Variants in PDE2A observed in about 807,000 individuals in gnomAD.
PDE2A encodes cGMP-dependent 3',5'-cyclic phosphodiesterase.
A neutral mutation model predicts 133.6 loss-of-function variants in PDE2A; 53 were observed. The ratio of observed to expected loss-of-function variants is 0.40; its 90% CI spans 0.32 to 0.50. PDE2A has a LOEUF of 0.50. PDE2A is among the 20% of genes least tolerant of loss of function. The pLI is 0.73. For synonymous variants in PDE2A, 491 were observed against 490.2 expected (o/e 1.00, Z -0.02); for missense variants, 796 against 1,232.4 (o/e 0.65, Z 5.30).
intron 2 of PDE2A, among the ~76,000 whole-genome samples, chr11:72,637,905 G>A (rs1024903172): frequency 2.6e-5 from 4 of 152,152 alleles, no homozygotes; most frequent in African/African-American, 4.8e-5. Context: ...CAGGGAGGTC[G>A]GGGGATGGGC....
intron 4 of PDE2A, among the ~76,000 whole-genome samples, chr11:72,599,221 C>A (rs953972934): frequency 1.3e-5 from 2 of 152,136 alleles, no homozygotes; most frequent in African/African-American, 4.8e-5. Flanking sequence ...TTCCCAGGAC[C>A]CTGATGAAGG....
intron 2 of PDE2A, among the ~76,000 whole-genome samples, chr11:72,635,440 A>G (rs1445491716): frequency 1.3e-5 from 2 of 152,042 alleles, no homozygotes; most frequent in African/African-American, 4.8e-5. Context: ...CAAACCATCA[A>G]ATCCTAGAAT....
Position 72,642,278 on chromosome 11 carries a change from C to T in PDE2A, c.120G>A (p.Pro40=), listed in dbSNP as rs1453779100. 2 of 1,440,430 alleles carry T rather than the reference C, an allele frequency of 1.4e-6. No homozygotes were observed. The highest frequency in any genetic ancestry group is 2.9e-5 in the East Asian group (1 of 34,694). 89.2% of individuals were successfully genotyped at this position (1,440,430 alleles called of 1,614,324 possible). A position where few individuals can be genotyped will look rare whatever the true frequency, so the allele number is the denominator to read the frequency against. Reference sequence around the variant, plus strand: ...CCTGCAGGCTGTCGGCGCATGGCTGCGGCGGCGGCGGCGGCTCGTCCGGCT... The same window carrying T: ...CCTGCAGGCTGTCGGCGCATGGCTGTGGCGGCGGCGGCGGCTCGTCCGGCT... ...FLKPDEPPPP[P]QPCADSLQDA... The change falls in exon 2 of 31, where the codon CCG becomes CCA. Residue 40 remains proline (P), a synonymous_variant. Coordinates refer to ENST00000334456, the MANE Select transcript of PDE2A (RefSeq NM_002599.5).
At position 72,579,433 on chromosome 11, in the gene PDE2A, A is replaced by G; in HGVS notation, c.2257-50T>C. ...GCCCTCCTACTGGACACCCCCACCC[A>G]TTTGCCCATCCCAGTGAGCCTCCAC... On this transcript the variant is annotated intron_variant, in intron 26 of 30. Coordinates refer to ENST00000334456, the MANE Select transcript of PDE2A (RefSeq NM_002599.5). The G allele has an allele frequency of 2.5e-6, 4 of 1,574,958 alleles. No homozygotes were observed. In the South Asian group the frequency reaches 3.3e-5, roughly 13 times the overall value.
At chr11:72,633,047 C>G (rs182915626) in intron 2 of PDE2A, among the ~76,000 whole-genome samples, 102 of 152,358 alleles carry the variant, frequency 6.7e-4, no homozygotes, top group African/African-American at 2.3e-3. Flanking sequence ...CTCCTGGACA[C>G]TGGAATCTGC....
chr11:72,671,546 C>A (rs1052963919), intron 1 of PDE2A, among the ~76,000 whole-genome samples: 1 of 152,040 alleles, frequency 6.6e-6, no homozygotes, highest in African/African-American at 2.4e-5. Context: ...ATCAGCAGTC[C>A]CTGGGGACAG....
chr11:72,635,437 T>C (rs1858630833), intron 2 of PDE2A, among the ~76,000 whole-genome samples: 1 of 152,122 alleles, frequency 6.6e-6, no homozygotes, highest in African/African-American at 2.4e-5. Context: ...CATCAAACCA[T>C]CAAATCCTAG....
At chr11:72,630,635 T>C (rs1858329173) in intron 2 of PDE2A, among the ~76,000 whole-genome samples, 1 of 151,354 alleles carries the variant, frequency 6.6e-6, no homozygotes, top group South Asian at 2.1e-4. Context: ...TTCAGGTCTG[T>C]GCATTAGAAA....
intron 2 of PDE2A, among the ~76,000 whole-genome samples, chr11:72,612,924 C>T (rs941202678): frequency 3.3e-5 from 5 of 152,194 alleles, no homozygotes; most frequent in Non-Finnish European, 5.9e-5. Context: ...GGGGCTCAGC[C>T]GTGGGCTAGA....
chr11:72,636,096 C>T (rs1332837641), intron 2 of PDE2A: 5 of 1,241,682 alleles, frequency 4.0e-6, no homozygotes, highest in Non-Finnish European at 5.2e-6. Flanking sequence ...ACAGGAAAGG[C>T]AGAATGCCTG....
At chr11:72,622,630 G>A (rs902449231) in intron 2 of PDE2A, among the ~76,000 whole-genome samples, 5 of 152,194 alleles carry the variant, frequency 3.3e-5, no homozygotes, top group Non-Finnish European at 5.9e-5. Context: ...AATTACTTGA[G>A]GTATCTAGAG....
At chr11:72,661,405 T>C (rs1855050885) in intron 1 of PDE2A, among the ~76,000 whole-genome samples, 1 of 152,140 alleles carries the variant, frequency 6.6e-6, no homozygotes, top group Non-Finnish European at 1.5e-5. Context: ...TTTGCCTCTG[T>C]CCAGTTTTTT....
intron 1 of PDE2A, among the ~76,000 whole-genome samples, chr11:72,643,818 G>C (rs540434161): frequency 2.6e-5 from 4 of 152,010 alleles, no homozygotes; most frequent in African/African-American, 9.7e-5. Context: ...AACTCAGGGG[G>C]CAGCCCTCCA....
At chr11:72,618,180 A>G (rs1365000655) in intron 2 of PDE2A, among the ~76,000 whole-genome samples, 1 of 152,168 alleles carries the variant, frequency 6.6e-6, no homozygotes, top group Non-Finnish European at 1.5e-5. Flanking sequence ...TTACCTCATC[A>G]AGGAGCTGAG....
At chr11:72,609,294 G>T (rs1857103016) in intron 2 of PDE2A, among the ~76,000 whole-genome samples, 1 of 152,182 alleles carries the variant, frequency 6.6e-6, no homozygotes, top group African/African-American at 2.4e-5. Context: ...AAAAATCAGA[G>T]TCCTAAAAGT....
chr11:72,606,933 T>C (rs1401610145), intron 3 of PDE2A, among the ~76,000 whole-genome samples: 1 of 152,142 alleles, frequency 6.6e-6, no homozygotes, highest in Non-Finnish European at 1.5e-5. Context: ...TTCAGACACA[T>C]CAGCACCATC....
intron 1 of PDE2A, among the ~76,000 whole-genome samples, chr11:72,645,751 C>T (rs931403285): frequency 2.0e-5 from 3 of 152,172 alleles, no homozygotes; most frequent in Non-Finnish European, 2.9e-5. Flanking sequence ...CCCTACTGGC[C>T]GAGTGTATAC....
chr11:72,585,232 C>A, intron 16 of PDE2A, 139 bp downstream of exon 16: 1 of 756,058 alleles, frequency 1.3e-6, no homozygotes, highest in Non-Finnish European at 2.3e-6. Context: ...GGGAGACAGG[C>A]ATGAAATAAA....
At chr11:72,593,985 A>G (rs1856366885) in intron 6 of PDE2A, among the ~76,000 whole-genome samples, 1 of 152,140 alleles carries the variant, frequency 6.6e-6, no homozygotes, top group South Asian at 2.1e-4. Flanking sequence ...GGCCAGATTC[A>G]AACTCCTGAG....
Sources: allele counts gnomAD v4.1 joint callset (sites outside exome capture counted in the v4.1 genomes callset), GRCh38; gene constraint gnomAD v4.1.1; transcripts MANE v1.5; gene names NCBI Gene and HGNC (gene_info 2026-07-23, HGNC 2026-07-21).